The following FRMD4A variants were observed in gnomAD, a reference collection of about 807,000 sequenced individuals.
FRMD4A encodes FERM domain-containing protein 4A.
A neutral mutation model predicts 129.1 loss-of-function variants in FRMD4A; 29 were observed. That is an observed-to-expected ratio of 0.22 (90% CI 0.17 to 0.31). The LOEUF (loss-of-function observed/expected upper bound fraction) is 0.31, where lower values mean the gene tolerates loss of function less well. Ranked by LOEUF, FRMD4A falls within the 10% of genes least tolerant of loss-of-function variation. The probability of loss-of-function intolerance (pLI) is 1.00; values close to 1 mark genes in which losing one functional copy is unlikely to be tolerated. For synonymous variants in FRMD4A, 634 were observed against 571.6 expected, an observed-to-expected ratio of 1.11 and a Z score of -1.56; for missense variants, 1,272 against 1,375.8, an observed-to-expected ratio of 0.92 and a Z score of 1.19.
intron 2 of FRMD4A, among the ~76,000 whole-genome samples, chr10:14,108,694 G>T (rs139076212): frequency 6.6e-6 from 1 of 152,206 alleles, no homozygotes; most frequent in Non-Finnish European, 1.5e-5. Context: ...CTGGGTTTTC[G>T]CATAGGAAAA....
At chr10:13,731,534 A>G (rs1403612860) in intron 12 of FRMD4A, among the ~76,000 whole-genome samples, 1 of 150,968 alleles carries the variant, frequency 6.6e-6, no homozygotes, top group Non-Finnish European at 1.5e-5. Flanking sequence ...CTGTAATCCT[A>G]GTTACTCGGG....
At chr10:14,269,370 T>C (rs752551655) in intron 2 of FRMD4A, among the ~76,000 whole-genome samples, 3 of 152,220 alleles carry the variant, frequency 2.0e-5, no homozygotes, top group Non-Finnish European at 2.9e-5. Flanking sequence ...TATTATGTTA[T>C]GGTTCTGCAG....
chr10:14,299,938 A>C (rs1589281914), intron 2 of FRMD4A, among the ~76,000 whole-genome samples: 3 of 152,234 alleles, frequency 2.0e-5, no homozygotes, highest in Non-Finnish European at 4.4e-5. Context: ...TTGTTATAAC[A>C]TGAGGAAGCA....
intron 13 of FRMD4A, among the ~76,000 whole-genome samples, chr10:13,702,341 G>C (rs576778766): frequency 6.6e-6 from 1 of 152,232 alleles, no homozygotes; most frequent in African/African-American, 2.4e-5. Flanking sequence ...TCGGATTACA[G>C]GCATGAGCCA....
chr10:13,747,242 T>C (rs920436438), intron 9 of FRMD4A, among the ~76,000 whole-genome samples: 2 of 151,606 alleles, frequency 1.3e-5, no homozygotes, highest in Admixed American at 6.6e-5. Context: ...TAAGTAAATG[T>C]AGAAAACGGG....
At chr10:14,016,423 G>A (rs941902429) in intron 2 of FRMD4A, among the ~76,000 whole-genome samples, 3 of 152,188 alleles carry the variant, frequency 2.0e-5, no homozygotes, top group South Asian at 2.1e-4. Flanking sequence ...TTCTGCACAC[G>A]GTTTTCCTGT....
intron 8 of FRMD4A, among the ~76,000 whole-genome samples, chr10:13,760,881 T>TG (rs2092044738): frequency 6.6e-6 from 1 of 152,004 alleles, no homozygotes; most frequent in African/African-American, 2.4e-5. Flanking sequence ...TTTTTTTTTT[T>TG]TTTCAGAGGA....
chr10:13,698,270 A>T (rs2086428881), intron 14 of FRMD4A, among the ~76,000 whole-genome samples: 1 of 152,136 alleles, frequency 6.6e-6, no homozygotes, highest in Non-Finnish European at 1.5e-5. Flanking sequence ...GATAAACATC[A>T]TTTGGGAGGC....
chr10:13,755,575 C>G (rs1176542848), intron 8 of FRMD4A, among the ~76,000 whole-genome samples: 1 of 152,162 alleles, frequency 6.6e-6, no homozygotes, highest in Admixed American at 6.5e-5. Flanking sequence ...ACTCCAACTC[C>G]TCTTCTAAAA....
intron 12 of FRMD4A, among the ~76,000 whole-genome samples, chr10:13,735,834 T>C (rs1205722040): frequency 6.6e-6 from 1 of 152,122 alleles, no homozygotes; most frequent in African/African-American, 2.4e-5. Context: ...CTTTTGCAAG[T>C]GCAAAAACAG....
chr10:14,320,386 C>T (rs1259142001), intron 2 of FRMD4A, among the ~76,000 whole-genome samples: 1 of 152,200 alleles, frequency 6.6e-6, no homozygotes, highest in East Asian at 1.9e-4. Flanking sequence ...TTGCCCTCCC[C>T]AACCCCACCC....
At chr10:13,648,263 A>G (rs1419642486) in intron 24 of FRMD4A, 2 of 152,220 alleles carry the variant, frequency 1.3e-5, no homozygotes, top group Non-Finnish European at 1.5e-5. Context: ...GACACTGGCC[A>G]TGGGTATTAC....
chr10:13,995,067 A>T (rs1478418455), intron 2 of FRMD4A, among the ~76,000 whole-genome samples: 1 of 152,190 alleles, frequency 6.6e-6, no homozygotes, highest in African/African-American at 2.4e-5. Context: ...GTTTCTGACC[A>T]CTGGATCTCT....
chr10:14,256,502 T>C (rs1341268830), intron 2 of FRMD4A, among the ~76,000 whole-genome samples: 2 of 152,198 alleles, frequency 1.3e-5, no homozygotes, highest in South Asian at 2.1e-4. Context: ...TCTAAATTTT[T>C]CATGGCAATT....
chr10:14,312,324 C>A (rs1019744999), intron 2 of FRMD4A, among the ~76,000 whole-genome samples: 1 of 152,228 alleles, frequency 6.6e-6, no homozygotes, highest in African/African-American at 2.4e-5. Flanking sequence ...GCTCACTTTT[C>A]CTGTAGTCTC....
chr10:14,087,304 A>T (rs990583465), intron 2 of FRMD4A, among the ~76,000 whole-genome samples: 2 of 147,442 alleles, frequency 1.4e-5, no homozygotes, highest in Non-Finnish European at 1.5e-5. Flanking sequence ...CTATAAAATT[A>T]TAAATTATAT....
chr10:13,869,419 C>T (rs185091840), intron 2 of FRMD4A, among the ~76,000 whole-genome samples: 6 of 152,304 alleles, frequency 3.9e-5, no homozygotes, highest in East Asian at 1.9e-4. Context: ...AAGCTACTGG[C>T]GTGAATGATG....
intron 9 of FRMD4A, chr10:13,744,753 T>C (rs976985693): frequency 1.3e-5 from 2 of 152,352 alleles, no homozygotes; most frequent in African/African-American, 4.8e-5. Flanking sequence ...GTAACTGTGA[T>C]GAGACGGGTA....
chr10:14,318,578 C>G (rs1195814149), intron 2 of FRMD4A, among the ~76,000 whole-genome samples: 1 of 130,318 alleles, frequency 7.7e-6, no homozygotes, highest in Non-Finnish European at 1.6e-5. Flanking sequence ...GGATGAAAAT[C>G]GGAAAACTCA....
Sources: allele counts gnomAD v4.1 joint callset (sites outside exome capture counted in the v4.1 genomes callset), GRCh38; gene constraint gnomAD v4.1.1; transcripts MANE v1.5; gene names NCBI Gene and HGNC (gene_info 2026-07-23, HGNC 2026-07-21).